The following SLAIN2 variants were observed in gnomAD, a reference collection of about 807,000 sequenced individuals.
The protein encoded by SLAIN2 is SLAIN motif-containing protein 2.
Under a neutral mutation model 56.6 loss-of-function variants are expected in SLAIN2, and 31 were observed. That is an observed-to-expected ratio of 0.55 (90% CI 0.41 to 0.74). The LOEUF (loss-of-function observed/expected upper bound fraction) is 0.74. Among genes scored for constraint, SLAIN2 ranks in the 30% least tolerant of loss-of-function variants. The pLI, the probability that SLAIN2 is intolerant of heterozygous loss-of-function variation, is 0.00. For synonymous variants in SLAIN2, 317 were observed against 284.9 expected, an observed-to-expected ratio of 1.11 and a Z score of -1.13; for missense variants, 777 against 754.2, an observed-to-expected ratio of 1.03 and a Z score of -0.35.
At chr4:48,352,281 G>A (rs1715034183) in intron 1 of SLAIN2, among the ~76,000 whole-genome samples, 1 of 152,064 alleles carries the variant, frequency 6.6e-6, no homozygotes, top group African/African-American at 2.4e-5. Context: ...CCAAACTATT[G>A]AGTCCACAGT....
rs2109792614 is a variant in SLAIN2 at position 48,421,992 on chromosome 4, C to T, written c.1680-19C>T. 2.5e-6 allele frequency: 4 copies of T among 1,578,852 alleles called. No homozygotes were observed. The highest frequency in any genetic ancestry group is 2.3e-5 in the East Asian group (1 of 44,016). On this transcript the variant is annotated intron_variant, in intron 7 of 7. Transcript: ENST00000264313. ...AAAGACATTTATCAAATTTTAATTA[C>T]AAAATTGCTTTATTACAGATCCTTG...
At chr4:48,363,939 C>CA (rs1715427109) in intron 1 of SLAIN2, among the ~76,000 whole-genome samples, 3 of 85,208 alleles carry the variant, frequency 3.5e-5, no homozygotes, top group South Asian at 3.8e-4. Flanking sequence ...CCCCCCACCT[C>CA]CCTCCCGGAC....
intron 5 of SLAIN2, 22 bp downstream of exon 5, chr4:48,382,949 ATAAT>A (rs1374118688): frequency 1.3e-6 from 2 of 1,558,988 alleles, no homozygotes; most frequent in East Asian, 4.7e-5. Context: ...GATTTTACTA[ATAAT>A]TAGACAGTTT....
chr4:48,347,512 G>A (rs1001317647), intron 1 of SLAIN2, among the ~76,000 whole-genome samples: 6 of 152,194 alleles, frequency 3.9e-5, no homozygotes, highest in Admixed American at 6.5e-5. Context: ...CCCTCCCAAA[G>A]TGTTGGGATT....
chr4:48,412,266 C>T (rs1020368270), intron 6 of SLAIN2, among the ~76,000 whole-genome samples: 17 of 152,152 alleles, frequency 1.1e-4, no homozygotes, highest in African/African-American at 3.1e-4. Flanking sequence ...AATCAATTCC[C>T]TAATTTTGGA....
intron 6 of SLAIN2, among the ~76,000 whole-genome samples, chr4:48,384,688 GT>G (rs1391985412): frequency 6.6e-6 from 1 of 152,192 alleles, no homozygotes; most frequent in African/African-American, 2.4e-5. Context: ...ACCCATGAAT[GT>G]GACAGTATTT....
chr4:48,404,327 TAG>T (rs1716636332), intron 6 of SLAIN2, among the ~76,000 whole-genome samples: 1 of 152,234 alleles, frequency 6.6e-6, no homozygotes, highest in Non-Finnish European at 1.5e-5. Context: ...TGTGATTACC[TAG>T]GATTCAAAAT....
chr4:48,360,022 T>C (rs1715275471), intron 1 of SLAIN2, among the ~76,000 whole-genome samples: 1 of 151,976 alleles, frequency 6.6e-6, no homozygotes, highest in Admixed American at 6.6e-5. Flanking sequence ...GGCATGGTAG[T>C]GCGCACCTAT....
intron 6 of SLAIN2, among the ~76,000 whole-genome samples, chr4:48,401,629 G>T (rs1408446776): frequency 1.3e-5 from 2 of 152,016 alleles, no homozygotes; most frequent in African/African-American, 4.8e-5. Flanking sequence ...CATTTGCTTG[G>T]CAAATTTTCA....
chr4:48,356,499 T>TA (rs1560450575), intron 1 of SLAIN2, among the ~76,000 whole-genome samples: 1 of 152,212 alleles, frequency 6.6e-6, no homozygotes, highest in African/African-American at 2.4e-5. Flanking sequence ...GCTGAAAAGA[T>TA]ACGTGCTAGT....
chr4:48,406,783 T>C (rs1441278064), intron 6 of SLAIN2, among the ~76,000 whole-genome samples: 3 of 152,154 alleles, frequency 2.0e-5, no homozygotes, highest in African/African-American at 7.2e-5. Context: ...AACTTATCTC[T>C]TGTTTTCATA....
chr4:48,397,929 A>T (rs1258210668), intron 6 of SLAIN2, among the ~76,000 whole-genome samples: 1 of 152,186 alleles, frequency 6.6e-6, no homozygotes, highest in East Asian at 1.9e-4. Context: ...GGTTGATTGC[A>T]TGTCTTTGCT....
chr4:48,363,340 G>A (rs1335461117), intron 1 of SLAIN2, among the ~76,000 whole-genome samples: 107 of 67,676 alleles, frequency 1.6e-3, no homozygotes, highest in African/African-American at 1.8e-3. Flanking sequence ...AGGGGCGGCC[G>A]GGCAGAGGCG....
At chr4:48,354,917 GAGA>G (rs1715117581) in intron 1 of SLAIN2, among the ~76,000 whole-genome samples, 1 of 147,630 alleles carries the variant, frequency 6.8e-6, no homozygotes, top group Non-Finnish European at 1.5e-5. Context: ...CTTTTTTTTT[GAGA>G]AGGAGTCTTG....
intron 1 of SLAIN2, among the ~76,000 whole-genome samples, chr4:48,355,553 GTTC>G (rs1489126310): frequency 6.6e-6 from 1 of 151,978 alleles, no homozygotes; most frequent in African/African-American, 2.4e-5. Context: ...TCACATACCT[GTTC>G]TTATTTTTAT....
intron 1 of SLAIN2, among the ~76,000 whole-genome samples, chr4:48,363,486 A>G (rs1715393248): frequency 1.8e-5 from 1 of 54,922 alleles, no homozygotes; most frequent in Non-Finnish European, 4.3e-5. Flanking sequence ...CTGGCCGGAC[A>G]GAGGGGCTCC....
At chr4:48,367,448 A>G (rs1403079946) in intron 1 of SLAIN2, among the ~76,000 whole-genome samples, 1 of 152,232 alleles carries the variant, frequency 6.6e-6, no homozygotes, top group African/African-American at 2.4e-5. Context: ...ATTCCCAATT[A>G]AGGGAGCAAG....
At chr4:48,365,988 A>C (rs1469866914) in intron 1 of SLAIN2, among the ~76,000 whole-genome samples, 1 of 152,242 alleles carries the variant, frequency 6.6e-6, no homozygotes, top group African/African-American at 2.4e-5. Context: ...TTTTAGCGTC[A>C]TCACATAATA....
At position 48,369,879 on chromosome 4, in the gene SLAIN2, A is replaced by G; in HGVS notation, c.420A>G (p.Thr140=). 1.2e-6 allele frequency: 2 copies of G among 1,613,554 alleles called. No homozygotes were observed. Among genetic ancestry groups the G allele is most frequent in the African/African-American group, 2.7e-5 (2 of 75,034 alleles). The change falls in exon 2 of 8, where the codon ACA becomes ACG. Residue 140 remains threonine (T), a synonymous_variant. Transcript: ENST00000264313. ...WLYSSPKKKL[T]PMQKSVSPLV... ...ATTCATCACCAAAGAAAAAACTTACACCAATGCAGAAATCGGTTAGTCCAT... is the reference window on the plus strand; with the variant it reads ...ATTCATCACCAAAGAAAAAACTTACGCCAATGCAGAAATCGGTTAGTCCAT...
Sources: gnomAD v4.1 joint callset for allele counts (sites outside exome capture counted in the v4.1 genomes callset) on GRCh38, gnomAD v4.1.1 for gene constraint, MANE v1.5 for transcripts, NCBI Gene and HGNC (gene_info 2026-07-23, HGNC 2026-07-21) for gene names.